GLIS1: variants seen among roughly 807,000 people sequenced by gnomAD.
GLIS1 encodes zinc finger protein GLIS1.
GLIS1 carries 24 observed loss-of-function variants against 63.8 expected under a neutral mutation model. The observed-to-expected ratio is 0.38, with a 90% CI of 0.27 to 0.53. GLIS1 has a LOEUF of 0.53. Among genes scored for constraint, GLIS1 ranks in the 20% least tolerant of loss-of-function variants. The pLI is 0.85. For missense variants in GLIS1, 1,036 were observed against 1,074.1 expected, an observed-to-expected ratio of 0.96 and a Z score of 0.50; for synonymous variants, 450 against 482.5, an observed-to-expected ratio of 0.93 and a Z score of 0.88.
At chr1:53,716,733 C>A (rs549753649) in intron 2 of GLIS1, among the ~76,000 whole-genome samples, 1 of 152,158 alleles carries the variant, frequency 6.6e-6, no homozygotes, top group South Asian at 2.1e-4. Flanking sequence ...ATTATAAAAA[C>A]ATAAGAAATG....
At chr1:53,568,315 GA>G (rs1025757881) in intron 4 of GLIS1, among the ~76,000 whole-genome samples, 12 of 152,170 alleles carry the variant, frequency 7.9e-5, no homozygotes, top group Non-Finnish European at 8.8e-5. Context: ...TTTTCAATGG[GA>G]TAATTTACCC....
At chr1:53,634,593 A>AG (rs1645703288) in intron 2 of GLIS1, among the ~76,000 whole-genome samples, 1 of 152,272 alleles carries the variant, frequency 6.6e-6, no homozygotes, top group Admixed American at 6.5e-5. Context: ...TTCATTTGTG[A>AG]GGGAATGCGG....
chr1:53,577,343 C>T (rs990034687), intron 4 of GLIS1, among the ~76,000 whole-genome samples: 1 of 152,096 alleles, frequency 6.6e-6, no homozygotes, highest in African/African-American at 2.4e-5. Flanking sequence ...GGCTGGAGCC[C>T]TCAACTGGGC....
chr1:53,662,159 T>C (rs59238764), intron 2 of GLIS1, among the ~76,000 whole-genome samples: 12,405 of 152,228 alleles, frequency 0.081, 975 homozygotes, highest in African/African-American at 0.21. Flanking sequence ...CCCAGGCAAG[T>C]TGGTGGCATT....
chr1:53,614,135 C>T (rs2948055), intron 2 of GLIS1, among the ~76,000 whole-genome samples: 1 of 152,094 alleles, frequency 6.6e-6, no homozygotes, highest in Admixed American at 6.6e-5. Flanking sequence ...ACCAAAAATG[C>T]GGTGTTCCAG....
chr1:53,564,767 T>C (rs1189526252), intron 4 of GLIS1, among the ~76,000 whole-genome samples: 1 of 152,100 alleles, frequency 6.6e-6, no homozygotes, highest in Non-Finnish European at 1.5e-5. Context: ...GATTATCTAA[T>C]AATAAAAGTT....
intron 2 of GLIS1, among the ~76,000 whole-genome samples, chr1:53,730,320 A>G (rs558011922): frequency 4.7e-4 from 72 of 152,326 alleles, no homozygotes; most frequent in African/African-American, 1.7e-3. Context: ...AGGGTTGGAA[A>G]GTTGGCAAAA....
rs141920851 is a variant in GLIS1, at chr1:53,699,524, A to C, written c.259+38282T>G. Among the ~76,000 whole-genome samples, 694 of 152,304 alleles carry C rather than the reference A, an allele frequency of 4.6e-3. 3 individuals carry two copies. Among genetic ancestry groups the C allele is most frequent in the African/African-American group, 0.016 (673 of 41,564 alleles). ...CCAGTTGAGCATCCCTAGCCTGAGA[A>C]TCCAAAAATCCAAAGTCTGAAATGC... On this transcript the variant is annotated intron_variant, in intron 2 of 10. Coordinates refer to ENST00000628545, the MANE Select transcript of GLIS1 (RefSeq NM_001367484.1).
intron 2 of GLIS1, among the ~76,000 whole-genome samples, chr1:53,713,962 T>A (rs1234362160): frequency 6.6e-6 from 1 of 152,236 alleles, no homozygotes; most frequent in South Asian, 2.1e-4. Context: ...GCCTCACCTG[T>A]GCCCCAGCTT....
chr1:53,606,787 C>G (rs1202673910), intron 2 of GLIS1, among the ~76,000 whole-genome samples: 1 of 152,222 alleles, frequency 6.6e-6, no homozygotes, highest in Non-Finnish European at 1.5e-5. Flanking sequence ...GCCTGACGCT[C>G]GCGGCCTCAC....
At chr1:53,553,272 G>C (rs1028084598) in intron 4 of GLIS1, among the ~76,000 whole-genome samples, 10 of 152,118 alleles carry the variant, frequency 6.6e-5, no homozygotes, top group Non-Finnish European at 1.2e-4. Context: ...TCCACTCCAT[G>C]GTGCCCTGCC....
intron 2 of GLIS1, among the ~76,000 whole-genome samples, chr1:53,691,872 G>A (rs988973310): frequency 2.0e-4 from 30 of 151,906 alleles, no homozygotes; most frequent in African/African-American, 6.5e-4. Context: ...AACCAACTCC[G>A]CCCCAGTGAC....
chr1:53,680,843 G>A (rs1287303245), intron 2 of GLIS1, among the ~76,000 whole-genome samples: 3 of 152,232 alleles, frequency 2.0e-5, no homozygotes, highest in Non-Finnish European at 4.4e-5. Context: ...CTGTCTAAAT[G>A]AGCAGGGTGA....
At chr1:53,657,470 G>A (rs1004523281) in intron 2 of GLIS1, among the ~76,000 whole-genome samples, 10 of 152,284 alleles carry the variant, frequency 6.6e-5, no homozygotes, top group Admixed American at 2.6e-4. Flanking sequence ...CTGCTTTGGC[G>A]GATGGAGCAG....
chr1:53,524,869 T>A lies in GLIS1; in HGVS notation c.1501A>T (p.Ile501Phe), dbSNP rs1644448842. Residue 501 changes from isoleucine (I) to phenylalanine (F), a missense_variant, in exon 6 of 11, where the codon ATC becomes TTC. By Grantham distance (21) the Ile-to-Phe change is conservative. Around this residue, in one of 3 missense-constraint regions of GLIS1, gnomAD observed 400 missense variants for 400.9 expected, o/e 1.00. Coordinates refer to ENST00000628545, the MANE Select transcript of GLIS1 (RefSeq NM_001367484.1). ...HLDTKPYACQ[I>F]PGCSKRYTDP... Reference sequence around the variant, plus strand: ...GTGTAGCGCTTGGAGCAGCCAGGGATCTGACAGGCGTACGGCTTCTGTAAC... The same window carrying A: ...GTGTAGCGCTTGGAGCAGCCAGGGAACTGACAGGCGTACGGCTTCTGTAAC... 1 of 1,611,296 alleles carries A rather than the reference T, an allele frequency of 6.2e-7. No individual in the cohort carries two copies. The highest frequency in any genetic ancestry group is 1.7e-5 in the Admixed American group (1 of 59,960).
chr1:53,544,623 G>A (rs769052887), intron 4 of GLIS1, among the ~76,000 whole-genome samples: 15 of 152,276 alleles, frequency 9.9e-5, no homozygotes, highest in Non-Finnish European at 1.8e-4. Flanking sequence ...GACCTCTGGG[G>A]ACCCTCCAGC....
At chr1:53,710,727 G>A (rs949523228) in intron 2 of GLIS1, among the ~76,000 whole-genome samples, 6 of 152,106 alleles carry the variant, frequency 3.9e-5, no homozygotes, top group Non-Finnish European at 5.9e-5. Context: ...AGGTGGCTGC[G>A]AAGCTCCAAC....
At chr1:53,584,962 C>T (rs1480928877) in intron 4 of GLIS1, among the ~76,000 whole-genome samples, 2 of 152,246 alleles carry the variant, frequency 1.3e-5, no homozygotes, top group Non-Finnish European at 2.9e-5. Flanking sequence ...TTCTTAAAGT[C>T]ACTGTTGATT....
intron 2 of GLIS1, among the ~76,000 whole-genome samples, chr1:53,657,382 G>A (rs984551655): frequency 6.6e-6 from 1 of 152,222 alleles, no homozygotes; most frequent in African/African-American, 2.4e-5. Context: ...GAGGGATTAA[G>A]ATGACCACAG....
Sources: allele counts gnomAD v4.1 joint callset (sites outside exome capture counted in the v4.1 genomes callset), GRCh38; gene constraint gnomAD v4.1.1; regional missense constraint gnomAD v4.1.1; transcripts MANE v1.5; gene names NCBI Gene and HGNC (gene_info 2026-07-23, HGNC 2026-07-21).